The following NIPAL2 variants were observed in gnomAD, a reference collection of about 807,000 sequenced individuals.
NIPAL2 encodes the protein NIPA-like protein 2.
Under a neutral mutation model 48.9 loss-of-function variants are expected in NIPAL2, and 43 were observed. That is an observed-to-expected ratio of 0.88 (90% confidence interval 0.69 to 1.13). The LOEUF (loss-of-function observed/expected upper bound fraction) is 1.13, where lower values mean the gene tolerates loss of function less well. Among genes scored for constraint, NIPAL2 ranks in the 50% most tolerant of loss-of-function variants. The pLI is 0.00. For missense variants in NIPAL2, 446 were observed against 461.4 expected (o/e 0.97, Z 0.31); for synonymous variants, 167 against 174.6 (o/e 0.96, Z 0.34).
chr8:98,193,416 C>G lies in NIPAL2; in HGVS notation c.1040-326G>C, dbSNP rs199956991. The stretch of plus-strand genomic sequence containing the variant: ...GCCTTTCTCTCTGGGGTTGTGTCTT[C>G]TTTTCCACGTCGAATGCATATAACA... On this transcript the variant is annotated intron_variant, in intron 10 of 10. Transcript: ENST00000430223. The G allele has an allele frequency of 2.8e-3, 4,580 of 1,613,918 alleles. 10 individuals are homozygous for G. Among genetic ancestry groups the G allele is most frequent in the Non-Finnish European group, 3.4e-3 (4,039 of 1,179,764 alleles).
intron 6 of NIPAL2, among the ~76,000 whole-genome samples, 196 bp from the exon 7 acceptor site, chr8:98,205,442 G>T (rs1198257527): frequency 6.6e-6 from 1 of 151,710 alleles, no homozygotes; most frequent in African/African-American, 2.4e-5. Flanking sequence ...TATCAAATTT[G>T]CTTAAATCAG....
At chr8:98,210,480 C>A (rs908241276) in intron 6 of NIPAL2, among the ~76,000 whole-genome samples, 4 of 152,144 alleles carry the variant, frequency 2.6e-5, no homozygotes, top group Non-Finnish European at 5.9e-5. Flanking sequence ...ATTCTTTCAA[C>A]TTCCTGGAAT....
chr8:98,272,047 A>T (rs868355846), intron 1 of NIPAL2, among the ~76,000 whole-genome samples: 2 of 152,146 alleles, frequency 1.3e-5, no homozygotes, highest in Non-Finnish European at 2.9e-5. Flanking sequence ...AATAAAGCCC[A>T]TTTGATCATG....
At chr8:98,201,535 C>T (rs182560080) in intron 8 of NIPAL2, among the ~76,000 whole-genome samples, 18 of 152,166 alleles carry the variant, frequency 1.2e-4, no homozygotes, top group Middle Eastern at 3.4e-3. Context: ...CAGGTCCGTG[C>T]CACCATACCT....
chr8:98,280,069 C>T (rs1342917279), intron 1 of NIPAL2, among the ~76,000 whole-genome samples: 1 of 152,158 alleles, frequency 6.6e-6, no homozygotes, highest in Non-Finnish European at 1.5e-5. Context: ...TCAAATTGAC[C>T]TGTAGTACTG....
chr8:98,253,594 T>C (rs1813716662), intron 2 of NIPAL2, among the ~76,000 whole-genome samples: 2 of 152,210 alleles, frequency 1.3e-5, no homozygotes, highest in South Asian at 4.1e-4. Flanking sequence ...TAGTGGCATA[T>C]TTAACAGTAT....
At position 98,191,383 on chromosome 8, in the gene NIPAL2, G is replaced by A. The variant is rs1810299867; in HGVS notation, c.*1595C>T. The A allele has an allele frequency of 6.6e-6, 1 of 152,164 alleles. No homozygotes were observed. Among genetic ancestry groups the A allele is most frequent in the African/African-American group, 2.4e-5 (1 of 41,444 alleles). The allele number at this position is 152,164 out of a possible 1,614,324, so 9.4% of individuals were successfully genotyped here. ...CTTTATCTGAATGCATGGGACACTT[G>A]CTACGATGGCGGGAATTATTACCAG... On this transcript the variant is annotated 3_prime_UTR_variant, in exon 11 of 11. Coordinates refer to ENST00000430223, the MANE Select transcript of NIPAL2 (RefSeq NM_001321635.2).
intron 1 of NIPAL2, among the ~76,000 whole-genome samples, chr8:98,265,234 G>T (rs1242807058): frequency 1.3e-5 from 2 of 151,564 alleles, no homozygotes; most frequent in African/African-American, 4.9e-5. Context: ...AGGACTTCAG[G>T]TCTAAAACAC....
rs918040692 is a variant in NIPAL2 at position 98,220,750 on chromosome 8, T to A, written c.558+1729A>T. 2.0e-5 allele frequency among the ~76,000 whole-genome samples: 3 copies of A among 152,120 alleles called. No individual in the cohort carries two copies. In the East Asian group the frequency reaches 5.8e-4, roughly 29 times the overall value. On this transcript the variant is annotated intron_variant, in intron 5 of 10. Transcript: ENST00000430223. ...TTCGCAACCATTTTACCAAACCGGTTCTTGGTTAAATACTCAGCTAGACTA... is the reference window on the plus strand; with the variant it reads ...TTCGCAACCATTTTACCAAACCGGTACTTGGTTAAATACTCAGCTAGACTA...
intron 2 of NIPAL2, among the ~76,000 whole-genome samples, chr8:98,253,652 G>C (rs1415456997): frequency 6.6e-6 from 1 of 152,084 alleles, no homozygotes; most frequent in Non-Finnish European, 1.5e-5. Flanking sequence ...TTCATGAACT[G>C]CTTCTAAAAA....
In NIPAL2 at chr8:98,236,155, C is replaced by A; in HGVS notation, c.436G>T (p.Gly146Cys). ...KDNLRASDLL[G>C]TTLAFAGTYL... ...TTACATGAATTAAATAATTACTTACCGAGTAAGTCTGAGGCTCTCAAATTG... is the reference window on the plus strand; with the variant it reads ...TTACATGAATTAAATAATTACTTACAGAGTAAGTCTGAGGCTCTCAAATTG... Residue 146 changes from glycine (G) to cysteine (C), a missense_variant and splice_region_variant, in exon 4 of 11, where the codon GGT becomes TGT. Physicochemically the swap from Gly to Cys is radical, Grantham distance 159 (BLOSUM62 -3). Transcript: ENST00000430223. 1 of 1,568,286 alleles carries A rather than the reference C, an allele frequency of 6.4e-7. No individual in the cohort carries two copies. The highest frequency in any genetic ancestry group is 1.1e-5 in the South Asian group (1 of 88,056).
At chr8:98,237,743 C>T (rs1021874177) in intron 3 of NIPAL2, among the ~76,000 whole-genome samples, 3 of 152,086 alleles carry the variant, frequency 2.0e-5, no homozygotes, top group Non-Finnish European at 4.4e-5. Flanking sequence ...TTTACATGTC[C>T]AGCTCTGCCC....
chr8:98,261,501 T>C lies in NIPAL2; in HGVS notation c.136-7414A>G, dbSNP rs1157847783. ...AGAATGCAGAAGCCTCAGGAGCCGA[T>C]GCGATCAACTGGAAGAAAGGGTATC... On this transcript the variant is annotated intron_variant, in intron 1 of 10. Transcript: ENST00000430223. 3.4e-5 allele frequency among the ~76,000 whole-genome samples: 5 copies of C among 145,158 alleles called. No homozygotes were observed. In the South Asian group the frequency reaches 1.2e-3, roughly 34 times the overall value.
chr8:98,281,374 G>A (rs911363383), intron 1 of NIPAL2, among the ~76,000 whole-genome samples: 11 of 152,074 alleles, frequency 7.2e-5, no homozygotes, highest in Non-Finnish European at 1.6e-4. Context: ...GTGAGGTGGG[G>A]ATGGTTAATG....
rs777453740 is a variant in NIPAL2 at position 98,205,173 on chromosome 8, T to G, written c.729A>C (p.Leu243=). The G allele has an allele frequency of 2.5e-6, 4 of 1,613,594 alleles. No individual in the cohort carries two copies. The South Asian group carries it at 3.3e-5, about 13-fold the overall frequency. Reference sequence around the variant, plus strand: ...ACATGATATAGAAAATGGGGTAAGTTAGTTGCATTTTATCCATCACAGAAA... The same window carrying G: ...ACATGATATAGAAAATGGGGTAAGTGAGTTGCATTTTATCCATCACAGAAA... ...ITFSVMDKMQ[L]TYPIFYIMFI... Residue 243 remains leucine, a synonymous_variant, in exon 7 of 11, where the codon CTA becomes CTC. Transcript: ENST00000430223.
At chr8:98,220,426 C>A (rs934271370) in intron 5 of NIPAL2, among the ~76,000 whole-genome samples, 1 of 108,472 alleles carries the variant, frequency 9.2e-6, no homozygotes, top group African/African-American at 3.5e-5. Flanking sequence ...TTTTTTTTGT[C>A]TTGAGACAGG....
intron 4 of NIPAL2, among the ~76,000 whole-genome samples, chr8:98,223,659 T>C (rs1812011318): frequency 6.6e-6 from 1 of 152,218 alleles, no homozygotes; most frequent in African/African-American, 2.4e-5. Context: ...TGAACTCTAG[T>C]TCCTGGAAGC....
intron 2 of NIPAL2, 49 bp from the exon 3 acceptor site, chr8:98,252,683 G>A (rs200692049): frequency 3.4e-6 from 5 of 1,488,518 alleles, no homozygotes; most frequent in East Asian, 5.0e-5. Flanking sequence ...AGCTATGAGG[G>A]GAATGCCACT....
In NIPAL2 at chr8:98,190,237, G is replaced by A. The variant is rs191297959; in HGVS notation, c.*2741C>T. The A allele has an allele frequency of 6.6e-6, 1 of 152,516 alleles. No homozygotes were observed. The highest frequency in any genetic ancestry group is 6.5e-5 in the Admixed American group (1 of 15,310). 9.4% of individuals were successfully genotyped at this position (152,516 alleles called of 1,614,324 possible). A position where few individuals can be genotyped will look rare whatever the true frequency, so the allele number is the denominator to read the frequency against. On this transcript the variant is annotated 3_prime_UTR_variant, in exon 11 of 11. Coordinates refer to ENST00000430223, the MANE Select transcript of NIPAL2 (RefSeq NM_001321635.2). Reference sequence around the variant, plus strand: ...CCTTCCCTGAATGCCCAATCAACAGGAAAGAAGCTGCAGAGCAAGGGCAGA... The same window carrying A: ...CCTTCCCTGAATGCCCAATCAACAGAAAAGAAGCTGCAGAGCAAGGGCAGA...
Sources: allele counts gnomAD v4.1 joint callset (sites outside exome capture counted in the v4.1 genomes callset), GRCh38; gene constraint gnomAD v4.1.1; transcripts MANE v1.5; gene names NCBI Gene and HGNC (gene_info 2026-07-23, HGNC 2026-07-21).